The following CDH6 variants were observed in gnomAD, a reference collection of about 807,000 sequenced individuals.
The protein encoded by CDH6 is cadherin-6.
CDH6 carries 31 observed loss-of-function variants against 78.0 expected under a neutral mutation model. The observed-to-expected ratio is 0.40, with a 90% CI of 0.30 to 0.54. CDH6 has a LOEUF of 0.54. CDH6 is among the 20% of genes least tolerant of loss of function. CDH6 has a pLI of 0.56. For missense variants in CDH6, 724 were observed against 975.9 expected, an observed-to-expected ratio of 0.74 and a Z score of 3.44; for synonymous variants, 376 against 368.8, an observed-to-expected ratio of 1.02 and a Z score of -0.23.
chr5:31,220,708 G>GC (rs1275770149), intron 1 of CDH6, among the ~76,000 whole-genome samples: 10 of 152,098 alleles, frequency 6.6e-5, no homozygotes, highest in Admixed American at 6.6e-4. Flanking sequence ...CACTGAGGGG[G>GC]CATATTCTCT....
chr5:31,194,903 G>A (rs962780918), intron 1 of CDH6, among the ~76,000 whole-genome samples: 2 of 152,090 alleles, frequency 1.3e-5, no homozygotes, highest in Non-Finnish European at 2.9e-5. Context: ...ATGCTGGAGA[G>A]GTCAGCGTGG....
At chr5:31,249,143 A>G (rs1711538841) in intron 1 of CDH6, 1 of 152,196 alleles carries the variant, frequency 6.6e-6, no homozygotes, top group South Asian at 2.1e-4. Flanking sequence ...AATTTTATAT[A>G]TTTTTTAAAT....
intron 1 of CDH6, chr5:31,249,963 G>A (rs1741864855): frequency 6.6e-6 from 1 of 152,276 alleles, no homozygotes; most frequent in South Asian, 2.1e-4. Flanking sequence ...CTACCCTGAT[G>A]TGACTCCCAG....
chr5:31,289,942 G>A (rs1274310756), intron 2 of CDH6, among the ~76,000 whole-genome samples: 1 of 151,718 alleles, frequency 6.6e-6, no homozygotes, highest in Non-Finnish European at 1.5e-5. Flanking sequence ...AAATCCCTGT[G>A]TTTATTTGCC....
intron 1 of CDH6, among the ~76,000 whole-genome samples, chr5:31,213,700 A>C (rs1740783157): frequency 6.6e-6 from 1 of 152,134 alleles, no homozygotes; most frequent in Non-Finnish European, 1.5e-5. Flanking sequence ...GCTTTCTAAA[A>C]GGCTCTTAAA....
Position 31,318,280 on chromosome 5 carries a change from A to C in CDH6, c.1882+356A>C, listed in dbSNP as rs1218312966. ...TGGAAAACGTTGTTAAGTGTCTGGC[A>C]TGGAGTGTATGATGAGGGCCCTTTC... On this transcript the variant is annotated intron_variant, in intron 11 of 11. Coordinates refer to ENST00000265071, the MANE Select transcript of CDH6 (RefSeq NM_004932.4). The C allele has an allele frequency of 1.1e-5, 6 of 524,074 alleles. No homozygotes were observed. In the East Asian group the frequency reaches 1.8e-4, roughly 16 times the overall value. 32.5% of individuals were successfully genotyped at this position (524,074 alleles called of 1,614,324 possible).
intron 11 of CDH6, chr5:31,318,144 G>A (rs920618954): frequency 1.6e-6 from 1 of 613,926 alleles, no homozygotes; most frequent in Non-Finnish European, 2.9e-6. Context: ...GTCTTTGCTT[G>A]CCCAGGAAGC....
intron 1 of CDH6, among the ~76,000 whole-genome samples, chr5:31,217,591 A>G (rs1740902644): frequency 6.6e-6 from 1 of 152,174 alleles, no homozygotes; most frequent in Non-Finnish European, 1.5e-5. Context: ...TACCTGGGCC[A>G]GACACCATGC....
chr5:31,326,655 CAA>C lies in CDH6; in HGVS notation c.*3349_*3350del, dbSNP rs1428632595. 1.2e-5 allele frequency: 2 copies of C among 170,818 alleles called. No individual in the cohort carries two copies. The highest frequency in any genetic ancestry group is 2.5e-5 in the Non-Finnish European group (2 of 79,826). 10.6% of individuals were successfully genotyped at this position (170,818 alleles called of 1,614,324 possible). On this transcript the variant is annotated 3_prime_UTR_variant, in exon 12 of 12. Coordinates refer to ENST00000265071, the MANE Select transcript of CDH6 (RefSeq NM_004932.4). ...TGGTTTAGTTTTTATTTTCAGCTCC[CAA>C]AGAGTTGTGCAGAAAATCTTAAAAT... is the stretch of plus-strand genomic sequence containing the variant.
chr5:31,314,961 C>G (rs183349605), intron 8 of CDH6, among the ~76,000 whole-genome samples: 14 of 152,276 alleles, frequency 9.2e-5, no homozygotes, highest in African/African-American at 3.1e-4. Context: ...ATCTTACTGT[C>G]TAATCTTCTT....
intron 1 of CDH6, among the ~76,000 whole-genome samples, chr5:31,230,557 T>C (rs1561033395): frequency 6.6e-6 from 1 of 152,174 alleles, no homozygotes; most frequent in African/African-American, 2.4e-5. Context: ...GCGGAAGATG[T>C]TTAAGACCAT....
chr5:31,274,006 C>T (rs1380526808), intron 2 of CDH6, among the ~76,000 whole-genome samples: 1 of 152,194 alleles, frequency 6.6e-6, no homozygotes, highest in Non-Finnish European at 1.5e-5. Flanking sequence ...TGAATCAGGG[C>T]AAGTGCCTTG....
At chr5:31,254,938 T>C (rs1423816409) in intron 1 of CDH6, among the ~76,000 whole-genome samples, 5 of 152,222 alleles carry the variant, frequency 3.3e-5, no homozygotes, top group Non-Finnish European at 5.9e-5. Flanking sequence ...GTGTAAAAGT[T>C]GGTAACCTAT....
At chr5:31,285,044 GAGCTTCTAATCCTC>G (rs765835648) in intron 2 of CDH6, among the ~76,000 whole-genome samples, 2 of 152,180 alleles carry the variant, frequency 1.3e-5, no homozygotes, top group Non-Finnish European at 2.9e-5. Flanking sequence ...AACCTGTATT[GAGCTTCTAATCCTC>G]AATGGCACTA....
intron 1 of CDH6, among the ~76,000 whole-genome samples, chr5:31,220,274 C>CTGAT (rs1740971591): frequency 6.6e-6 from 1 of 152,118 alleles, no homozygotes; most frequent in Non-Finnish European, 1.5e-5. Flanking sequence ...AAGCAAAATA[C>CTGAT]TGATTTTTTT....
intron 1 of CDH6, among the ~76,000 whole-genome samples, chr5:31,258,389 A>G (rs1742115947): frequency 6.6e-6 from 1 of 152,204 alleles, no homozygotes; most frequent in African/African-American, 2.4e-5. Flanking sequence ...ACACAAGAAC[A>G]GAAAACCAAA....
chr5:31,252,205 C>T (rs936807523), intron 1 of CDH6, among the ~76,000 whole-genome samples: 1 of 152,054 alleles, frequency 6.6e-6, no homozygotes, highest in Non-Finnish European at 1.5e-5. Flanking sequence ...ACCATGGATA[C>T]CTGGTTTTTA....
At chr5:31,322,377 T>C (rs185879279) in intron 11 of CDH6, among the ~76,000 whole-genome samples, 8 of 152,072 alleles carry the variant, frequency 5.3e-5, no homozygotes, top group East Asian at 3.9e-4. Context: ...ATTTTAGATG[T>C]GGAGTTGTGC....
At chr5:31,204,290 A>G (rs893605095) in intron 1 of CDH6, among the ~76,000 whole-genome samples, 3 of 152,190 alleles carry the variant, frequency 2.0e-5, no homozygotes, top group African/African-American at 4.8e-5. Flanking sequence ...GTGTTCCAAA[A>G]AGCAATGAAA....
Sources: gnomAD v4.1 joint callset for allele counts (sites outside exome capture counted in the v4.1 genomes callset) on GRCh38, gnomAD v4.1.1 for gene constraint, MANE v1.5 for transcripts, NCBI Gene and HGNC (gene_info 2026-07-23, HGNC 2026-07-21) for gene names.